Variants in PCDHA10 observed in about 807,000 individuals in gnomAD.
PCDHA10 encodes protocadherin alpha 10, also known as protocadherin alpha-10.
In PCDHA10, 45 loss-of-function variants were observed where a neutral mutation model predicts 61.2. That is an observed-to-expected ratio of 0.74 (90% CI 0.58 to 0.94). PCDHA10 has a LOEUF of 0.94. Among genes scored for constraint, PCDHA10 ranks in the 40% least tolerant of loss-of-function variants. The probability of loss-of-function intolerance (pLI) is 0.00; values close to 1 mark genes in which losing one functional copy is unlikely to be tolerated. For missense variants in PCDHA10, 1,278 were observed against 1,236.2 expected (o/e 1.03, Z -0.51); for synonymous variants, 602 against 548.8 (o/e 1.10, Z -1.35).
rs782138602 is a variant in PCDHA10 at position 140,857,558 on chromosome 5, T to A, written c.1510T>A (p.Ser504Thr). The change falls in exon 1 of 4, where the codon TCG (serine) becomes ACG (threonine). Residue 504 changes from serine to threonine, a missense_variant. Ser to Thr is a moderately conservative substitution (Grantham distance 58). Coordinates refer to ENST00000307360, the MANE Select transcript of PCDHA10 (RefSeq NM_018901.4). Reference sequence around the variant, plus strand: ...GCGGCGGTTGGGCGAGCGCTCGCTGTCGAGCTACGTGTCGGTGCACGCGGA... The same window carrying A: ...GCGGCGGTTGGGCGAGCGCTCGCTGACGAGCTACGTGTCGGTGCACGCGGA... ...VERRLGERSL[S>T]SYVSVHAESG... 1 of 1,596,966 alleles carries A rather than the reference T, an allele frequency of 6.3e-7. No individual in the cohort carries two copies. Among genetic ancestry groups the A allele is most frequent in the Non-Finnish European group, 8.6e-7 (1 of 1,167,710 alleles).
chr5:140,883,481 T>C (rs1401240290), intron 1 of PCDHA10: 1 of 1,614,166 alleles, frequency 6.2e-7, no homozygotes, highest in East Asian at 2.2e-5. Flanking sequence ...CAAGAACTAC[T>C]ACTCATTAGT....
At chr5:140,880,582 A>G (rs2058391478) in intron 1 of PCDHA10, among the ~76,000 whole-genome samples, 1 of 152,230 alleles carries the variant, frequency 6.6e-6, no homozygotes, top group South Asian at 2.1e-4. Flanking sequence ...GAAGAGAGGA[A>G]AGAGAATATG....
intron 1 of PCDHA10, among the ~76,000 whole-genome samples, chr5:140,951,626 C>T (rs1182328214): frequency 3.3e-5 from 5 of 152,062 alleles, no homozygotes; most frequent in African/African-American, 4.8e-5. Context: ...AAGGGGGAAA[C>T]CTGCCCCATG....
chr5:140,953,670 T>C (rs2094923970), intron 1 of PCDHA10, among the ~76,000 whole-genome samples: 1 of 152,212 alleles, frequency 6.6e-6, no homozygotes, highest in Non-Finnish European at 1.5e-5. Flanking sequence ...TGGAAGGGTC[T>C]GTTTATTATG....
intron 1 of PCDHA10, chr5:140,927,303 G>T: frequency 6.2e-7 from 1 of 1,614,150 alleles, no homozygotes. Flanking sequence ...CCGAGTTCCT[G>T]ACGCCCGGAG....
chr5:140,971,799 TTA>T (rs1435483264), intron 1 of PCDHA10, among the ~76,000 whole-genome samples: 2 of 152,164 alleles, frequency 1.3e-5, no homozygotes, highest in East Asian at 3.8e-4. Flanking sequence ...ATATTGAATA[TTA>T]TAATATTGAA....
rs748166275 is a variant in PCDHA10 at position 140,954,138 on chromosome 5, T to C, written c.2389-24811T>C. Among the ~76,000 whole-genome samples the C allele has an allele frequency of 5.9e-4, 90 of 152,260 alleles. 1 individual carries two copies. The highest frequency in any genetic ancestry group is 6.5e-4 in the Admixed American group (10 of 15,282). On this transcript the variant is annotated intron_variant, in intron 1 of 3. Coordinates refer to ENST00000307360, the MANE Select transcript of PCDHA10 (RefSeq NM_018901.4). The stretch of plus-strand genomic sequence containing the variant: ...CTTGTTCCTTTTTATGGATGCATAG[T>C]ATTCCATGGTGTATATGTACCACAT...
intron 1 of PCDHA10, among the ~76,000 whole-genome samples, chr5:140,925,082 AAAGG>A (rs138596875): frequency 0.022 from 3,184 of 147,344 alleles, 79 homozygotes; most frequent in African/African-American, 0.064. Flanking sequence ...GCTCATCTGG[AAAGG>A]AAGGAAGGAA....
intron 1 of PCDHA10, chr5:140,968,978 G>A: frequency 1.9e-6 from 3 of 1,614,212 alleles, no homozygotes; most frequent in Non-Finnish European, 1.7e-6. Flanking sequence ...CACTGCGTAT[G>A]GCACTGCATG....
intron 1 of PCDHA10, chr5:140,871,324 T>G (rs1554165430): frequency 3.1e-6 from 5 of 1,614,048 alleles, no homozygotes; most frequent in Non-Finnish European, 4.2e-6. Flanking sequence ...GCTGGTGTGC[T>G]CCCGCGCGGT....
intron 3 of PCDHA10, among the ~76,000 whole-genome samples, chr5:141,008,922 G>A (rs34518527): frequency 0.052 from 7,924 of 152,178 alleles, 248 homozygotes; most frequent in South Asian, 0.11. Flanking sequence ...AATTTATTCA[G>A]CTAATTTTTC....
At chr5:140,981,692 T>C (rs1168412872) in intron 2 of PCDHA10, among the ~76,000 whole-genome samples, 1 of 150,826 alleles carries the variant, frequency 6.6e-6, no homozygotes, top group Non-Finnish European at 1.5e-5. Flanking sequence ...CTTCCATCAT[T>C]CATTCATTCA....
chr5:140,879,894 T>C (rs2153369518), intron 1 of PCDHA10, among the ~76,000 whole-genome samples: 1 of 152,348 alleles, frequency 6.6e-6, no homozygotes. Context: ...CTCCTCTCCA[T>C]GTCTCTCTCT....
At chr5:140,986,738 G>T (rs1483741648) in intron 3 of PCDHA10, among the ~76,000 whole-genome samples, 1 of 152,168 alleles carries the variant, frequency 6.6e-6, no homozygotes, top group Admixed American at 6.5e-5. Flanking sequence ...AAGACCCCAG[G>T]GGATCTGGGA....
At chr5:140,957,398 T>A (rs1162675184) in intron 1 of PCDHA10, among the ~76,000 whole-genome samples, 1 of 152,186 alleles carries the variant, frequency 6.6e-6, no homozygotes, top group Non-Finnish European at 1.5e-5. Flanking sequence ...ATTGTCCTAA[T>A]TTATTATTAT....
chr5:140,877,242 G>A, intron 1 of PCDHA10: 1 of 1,613,732 alleles, frequency 6.2e-7, no homozygotes, highest in Non-Finnish European at 8.5e-7. Flanking sequence ...CGGGCCACGT[G>A]GTGGCGAAAG....
At position 140,992,285 on chromosome 5, in the gene PCDHA10, A is replaced by G. The variant is rs114469876; in HGVS notation, c.2536+9722A>G. On this transcript the variant is annotated intron_variant, in intron 3 of 3. Transcript: ENST00000307360. ...AGTTCTTTTCGTAGCACATCCCTGCAAAGGATGGGAGTATTGTTTTGGTGG... is the reference window on the plus strand; with the variant it reads ...AGTTCTTTTCGTAGCACATCCCTGCGAAGGATGGGAGTATTGTTTTGGTGG... 2.6e-3 allele frequency among the ~76,000 whole-genome samples: 395 copies of G among 152,336 alleles called. 1 individual carries two copies. The highest frequency in any genetic ancestry group is 8.7e-3 in the African/African-American group (360 of 41,578).
In PCDHA10 at chr5:140,884,393, A is replaced by T. The variant is rs782150859; in HGVS notation, c.2388+25957A>T. 6.8e-6 allele frequency: 11 copies of T among 1,613,878 alleles called. No individual in the cohort carries two copies. In the South Asian group the frequency reaches 1.1e-4, roughly 16 times the overall value. On this transcript the variant is annotated intron_variant, in intron 1 of 3. Transcript: ENST00000307360. Reference sequence around the variant, plus strand: ...GATCATTGCCATCTGCGCGGTGTCCAGCCTGTTGGTGCTCACGTTGCTGCT... The same window carrying T: ...GATCATTGCCATCTGCGCGGTGTCCTGCCTGTTGGTGCTCACGTTGCTGCT...
At chr5:140,933,988 G>C (rs1156532752) in intron 1 of PCDHA10, among the ~76,000 whole-genome samples, 1 of 151,832 alleles carries the variant, frequency 6.6e-6, no homozygotes, top group Non-Finnish European at 1.5e-5. Context: ...CCTGGTGTTA[G>C]TGTCACCTCT....
Sources: allele counts gnomAD v4.1 joint callset (sites outside exome capture counted in the v4.1 genomes callset), GRCh38; gene constraint gnomAD v4.1.1; transcripts MANE v1.5; gene names NCBI Gene and HGNC (gene_info 2026-07-23, HGNC 2026-07-21).